The following ZDHHC21 variants were observed in gnomAD, a reference collection of about 807,000 sequenced individuals.
ZDHHC21 encodes zDHHC palmitoyltransferase 21, also known as palmitoyltransferase ZDHHC21.
ZDHHC21 carries 15 observed loss-of-function variants against 34.6 expected under a neutral mutation model. That is an observed-to-expected ratio of 0.43 (90% CI 0.29 to 0.67). The LOEUF is 0.67. ZDHHC21 is among the 30% of genes least tolerant of loss of function. The pLI, the probability that ZDHHC21 is intolerant of heterozygous loss-of-function variation, is 0.14. For missense variants in ZDHHC21, 344 were observed against 327.7 expected, an observed-to-expected ratio of 1.05 and a Z score of -0.38; for synonymous variants, 142 against 101.8, an observed-to-expected ratio of 1.40 and a Z score of -2.38.
the ZDHHC21 span, among the ~76,000 whole-genome samples, chr9:14,597,655 G>T: frequency 4.9e-4 from 75 of 152,146 alleles, no homozygotes; most frequent in African/African-American, 1.7e-3. Flanking sequence ...GGGGTCTGAG[G>T]TAAGGTCTGT....
intron 5 of ZDHHC21, among the ~76,000 whole-genome samples, chr9:14,664,447 T>G (rs1410979793): frequency 2.0e-5 from 3 of 151,442 alleles, no homozygotes; most frequent in African/African-American, 7.3e-5. Flanking sequence ...CGCCCGCCAT[T>G]GCCCAGGCTT....
the ZDHHC21 span, chr9:14,594,013 A>G: frequency 5.9e-5 from 9 of 152,222 alleles, no homozygotes; most frequent in African/African-American, 2.2e-4. Flanking sequence ...TCAGCACAGT[A>G]ATCGAGGAAC....
chr9:14,662,598 C>A (rs1833608508), intron 5 of ZDHHC21, among the ~76,000 whole-genome samples: 1 of 152,166 alleles, frequency 6.6e-6, no homozygotes, highest in South Asian at 2.1e-4. Context: ...TATTTGGATT[C>A]TGGGTATACT....
intron 3 of ZDHHC21, among the ~76,000 whole-genome samples, chr9:14,675,314 C>A (rs1445261067): frequency 6.6e-6 from 1 of 151,732 alleles, no homozygotes; most frequent in African/African-American, 2.4e-5. Flanking sequence ...TAGGGGGTAC[C>A]TTTTACGTAA....
intron 6 of ZDHHC21, among the ~76,000 whole-genome samples, chr9:14,660,673 C>A (rs1311180668): frequency 6.6e-6 from 1 of 152,104 alleles, no homozygotes; most frequent in African/African-American, 2.4e-5. Flanking sequence ...CTGCTACCAA[C>A]TTCTGAAAAG....
chr9:14,595,480 G>A, the ZDHHC21 span, among the ~76,000 whole-genome samples: 2 of 152,148 alleles, frequency 1.3e-5, no homozygotes, highest in Non-Finnish European at 2.9e-5. Flanking sequence ...AAGCATATTA[G>A]TGGTTGCCAG....
At chr9:14,629,693 T>C (rs1279300748) in intron 8 of ZDHHC21, among the ~76,000 whole-genome samples, 2 of 152,152 alleles carry the variant, frequency 1.3e-5, no homozygotes, top group African/African-American at 2.4e-5. Flanking sequence ...GTAGGGGGTC[T>C]TACCTCCAAG....
intron 5 of ZDHHC21, among the ~76,000 whole-genome samples, chr9:14,670,083 A>G (rs1421152920): frequency 6.6e-6 from 1 of 151,950 alleles, no homozygotes; most frequent in Non-Finnish European, 1.5e-5. Flanking sequence ...GAATATAGAC[A>G]GGAAGGAGGC....
intron 7 of ZDHHC21, among the ~76,000 whole-genome samples, chr9:14,656,292 T>C (rs1244120790): frequency 1.3e-5 from 2 of 151,924 alleles, no homozygotes; most frequent in Non-Finnish European, 2.9e-5. Context: ...TTAGCTTTAC[T>C]CTATTAAACT....
At chr9:14,693,114 C>T (rs868052188) in intron 1 of ZDHHC21, 115 bp downstream of exon 1, 9 of 184,454 alleles carry the variant, frequency 4.9e-5, no homozygotes, top group Non-Finnish European at 6.3e-5. Context: ...CGTCCCGGCG[C>T]GGAGGAGCGG....
chr9:14,631,438 C>A (rs1420567623), intron 8 of ZDHHC21, among the ~76,000 whole-genome samples: 1 of 152,164 alleles, frequency 6.6e-6, no homozygotes, highest in East Asian at 1.9e-4. Flanking sequence ...ATCCAGACCA[C>A]CAAAAATTTC....
chr9:14,672,345 A>G (rs1013038441), intron 5 of ZDHHC21, among the ~76,000 whole-genome samples: 2 of 152,110 alleles, frequency 1.3e-5, no homozygotes, highest in African/African-American at 4.8e-5. Context: ...AATTAAAATC[A>G]TATTTACAAA....
Position 14,617,883 on chromosome 9 carries a change from A to G in ZDHHC21, c.*1083T>C, listed in dbSNP as rs970349096. On this transcript the variant is annotated 3_prime_UTR_variant, in exon 10 of 10. Transcript: ENST00000380916. ...TAATTTTAATTTAGGGATTATAGGT[A>G]CACAAAGTTAGTGACTTTTTTTAGT... The G allele has an allele frequency of 4.6e-5, 7 of 152,010 alleles. No individual in the cohort carries two copies. Among genetic ancestry groups the G allele is most frequent in the Admixed American group, 1.3e-4 (2 of 15,244 alleles). 9.4% of individuals were successfully genotyped at this position (152,010 alleles called of 1,614,324 possible).
At chr9:14,661,197 T>A (rs1208980290) in intron 6 of ZDHHC21, among the ~76,000 whole-genome samples, 2 of 152,154 alleles carry the variant, frequency 1.3e-5, no homozygotes, top group African/African-American at 4.8e-5. Context: ...TTTTTCCTAT[T>A]TCAGGAAATT....
chr9:14,646,876 T>A lies in ZDHHC21; in HGVS notation c.505-6864A>T, dbSNP rs1830357303. Among the ~76,000 whole-genome samples the A allele has an allele frequency of 2.0e-5, 3 of 152,164 alleles. 1 individual carries two copies. Among genetic ancestry groups the A allele is most frequent in the South Asian group, 4.1e-4 (2 of 4,830 alleles). On this transcript the variant is annotated intron_variant, in intron 7 of 9. Coordinates refer to ENST00000380916, the MANE Select transcript of ZDHHC21 (RefSeq NM_178566.6). ...TTTGTTGTTTTGTCTCTCTTAGCAGTATGCAAGTTTCTTGAAGATGGGGAC... is the reference window on the plus strand; with the variant it reads ...TTTGTTGTTTTGTCTCTCTTAGCAGAATGCAAGTTTCTTGAAGATGGGGAC...
chr9:14,592,601 A>G, the ZDHHC21 span, among the ~76,000 whole-genome samples: 27 of 152,278 alleles, frequency 1.8e-4, no homozygotes, highest in African/African-American at 6.5e-4. Context: ...TCAATAATTG[A>G]CAGAAAATCT....
intron 7 of ZDHHC21, among the ~76,000 whole-genome samples, chr9:14,641,309 A>G (rs1829328576): frequency 1.3e-5 from 2 of 152,324 alleles, no homozygotes; most frequent in South Asian, 4.1e-4. Context: ...ATATTAGGCA[A>G]TCATTTCAAA....
intron 7 of ZDHHC21, among the ~76,000 whole-genome samples, chr9:14,650,210 T>C (rs1297938921): frequency 1.3e-5 from 2 of 152,002 alleles, no homozygotes; most frequent in Admixed American, 1.3e-4. Context: ...AAATAGATTA[T>C]TCTTATTTCT....
chr9:14,606,943 G>A (rs1440598854), downstream of ZDHHC21, among the ~76,000 whole-genome samples: 4 of 151,958 alleles, frequency 2.6e-5, no homozygotes, highest in East Asian at 7.7e-4. Flanking sequence ...AAGACATTTT[G>A]GTACTTCCTA....
Sources: allele counts gnomAD v4.1 joint callset (sites outside exome capture counted in the v4.1 genomes callset), GRCh38; gene constraint gnomAD v4.1.1; transcripts MANE v1.5; gene names NCBI Gene and HGNC (gene_info 2026-07-23, HGNC 2026-07-21).